YAP1: variants seen among roughly 807,000 people sequenced by gnomAD.
YAP1 encodes the protein Yes1 associated transcriptional regulator, also known as transcriptional coactivator YAP1.
Under a neutral mutation model 56.9 loss-of-function variants are expected in YAP1, and 5 were observed. The ratio of observed to expected loss-of-function variants is 0.09; its 90% CI spans 0.05 to 0.18. The LOEUF (loss-of-function observed/expected upper bound fraction) is 0.18, where lower values mean the gene tolerates loss of function less well. YAP1 is among the 10% of genes least tolerant of loss of function. YAP1 has a pLI of 1.00. For missense variants in YAP1, 539 were observed against 651.8 expected (o/e 0.83, Z 1.88); for synonymous variants, 265 against 248.1 (o/e 1.07, Z -0.64).
rs1654842689 is a variant in YAP1 at position 102,232,696 on chromosome 11, T to C, written c.*2756T>C. On this transcript the variant is annotated 3_prime_UTR_variant, in exon 9 of 9. Transcript: ENST00000282441. ...ATTGGGATAAGATTTTAACTGGGTATTCTTGAATTGCTTTTACAATAAACC... is the reference window on the plus strand; with the variant it reads ...ATTGGGATAAGATTTTAACTGGGTACTCTTGAATTGCTTTTACAATAAACC... 6.6e-6 allele frequency: 1 copy of C among 152,642 alleles called. No individual in the cohort carries two copies. Among genetic ancestry groups the C allele is most frequent in the Admixed American group, 6.5e-5 (1 of 15,278 alleles). 9.5% of individuals were successfully genotyped at this position (152,642 alleles called of 1,614,324 possible). A position where few individuals can be genotyped will look rare whatever the true frequency, so the allele number is the denominator to read the frequency against.
intron 4 of YAP1, among the ~76,000 whole-genome samples, chr11:102,188,381 T>C (rs1220058474): frequency 6.6e-6 from 1 of 152,200 alleles, no homozygotes; most frequent in African/African-American, 2.4e-5. Flanking sequence ...TTTTAGCTCC[T>C]TCAAACAACC....
chr11:102,192,491 C>T (rs1764491319), intron 4 of YAP1, among the ~76,000 whole-genome samples: 1 of 152,176 alleles, frequency 6.6e-6, no homozygotes, highest in Non-Finnish European at 1.5e-5. Flanking sequence ...CAACAATGTA[C>T]TTGATTCAAC....
intron 4 of YAP1, among the ~76,000 whole-genome samples, chr11:102,203,522 TTTGC>T (rs2135585465): frequency 6.6e-6 from 1 of 152,334 alleles, no homozygotes; most frequent in South Asian, 2.1e-4. Flanking sequence ...TGCTATATTG[TTTGC>T]TTGAAAATAA....
At chr11:102,200,668 C>G (rs1948806835) in intron 4 of YAP1, among the ~76,000 whole-genome samples, 1 of 152,108 alleles carries the variant, frequency 6.6e-6, no homozygotes, top group African/African-American at 2.4e-5. Flanking sequence ...TGGTCTCAAA[C>G]TTCTGACCTC....
chr11:102,118,116 C>T (rs1943404712), intron 2 of YAP1, among the ~76,000 whole-genome samples: 2 of 152,062 alleles, frequency 1.3e-5, no homozygotes, highest in Non-Finnish European at 1.5e-5. Flanking sequence ...CCATGTAGGA[C>T]CTTATAATTT....
intron 2 of YAP1, among the ~76,000 whole-genome samples, chr11:102,151,507 A>G (rs1945655578): frequency 6.6e-6 from 1 of 152,040 alleles, no homozygotes. Flanking sequence ...ACCTTTTTCT[A>G]TCCTCTATCA....
intron 2 of YAP1, among the ~76,000 whole-genome samples, chr11:102,116,726 A>G (rs1238685408): frequency 1.3e-5 from 2 of 152,180 alleles, no homozygotes; most frequent in Non-Finnish European, 2.9e-5. Context: ...TTTCTGGGGA[A>G]CTTTTATGTG....
intron 2 of YAP1, among the ~76,000 whole-genome samples, chr11:102,160,778 A>G (rs965819563): frequency 6.6e-6 from 1 of 152,128 alleles, no homozygotes; most frequent in East Asian, 1.9e-4. Flanking sequence ...CTTACCTCCT[A>G]TTACAGTGGA....
At chr11:102,204,249 T>C (rs1022124788) in intron 4 of YAP1, among the ~76,000 whole-genome samples, 1 of 148,734 alleles carries the variant, frequency 6.7e-6, no homozygotes, top group African/African-American at 2.5e-5. Context: ...AAAAAAGGTG[T>C]GCTAATGTAA....
chr11:102,204,329 T>C (rs191737671), intron 4 of YAP1, among the ~76,000 whole-genome samples: 3 of 152,298 alleles, frequency 2.0e-5, no homozygotes, highest in African/African-American at 4.8e-5. Flanking sequence ...ACTCAACTTA[T>C]GTAGAAATGG....
chr11:102,186,392 C>T, intron 4 of YAP1: 3 of 340,112 alleles, frequency 8.8e-6, no homozygotes, highest in Non-Finnish European at 1.6e-5. Flanking sequence ...TCACTTGTTC[C>T]TTTCACATTT....
chr11:102,208,129 A>G (rs780841440), intron 5 of YAP1, among the ~76,000 whole-genome samples: 4 of 152,146 alleles, frequency 2.6e-5, no homozygotes, highest in Non-Finnish European at 5.9e-5. Context: ...TGCCCAGACT[A>G]TTGTCTGTTC....
chr11:102,209,609 A>AC (rs762792697), intron 6 of YAP1, 45 bp downstream of exon 6: 6 of 1,322,164 alleles, frequency 4.5e-6, no homozygotes, highest in Non-Finnish European at 4.2e-6. Flanking sequence ...AAAAAAAAAA[A>AC]GATATTAAAT....
chr11:102,173,212 A>G (rs934087684), intron 3 of YAP1, among the ~76,000 whole-genome samples: 36 of 152,114 alleles, frequency 2.4e-4, no homozygotes, highest in African/African-American at 8.0e-4. Flanking sequence ...TAGATGGGCA[A>G]TTACTAAGCC....
chr11:102,135,185 T>C (rs1185542238), intron 2 of YAP1, among the ~76,000 whole-genome samples: 2 of 152,166 alleles, frequency 1.3e-5, no homozygotes, highest in East Asian at 3.8e-4. Context: ...TTTGTAGAGA[T>C]GGTGTCTCAC....
rs114003615 is a variant in YAP1, at chr11:102,164,570, G to A, written c.688+1999G>A. Among the ~76,000 whole-genome samples, 537 of 152,282 alleles carry A rather than the reference G, an allele frequency of 3.5e-3. 3 individuals are homozygous for A. Among genetic ancestry groups the A allele is most frequent in the African/African-American group, 0.012 (492 of 41,556 alleles). On this transcript the variant is annotated intron_variant, in intron 3 of 8. Coordinates refer to ENST00000282441, the MANE Select transcript of YAP1 (RefSeq NM_001130145.3). ...TATTTTGGAAGAGTAAGTATTTCGC[G>A]TCTAACAAGGTTGATTGTAATTCTT...
intron 1 of YAP1, among the ~76,000 whole-genome samples, chr11:102,112,910 AG>A: frequency 6.6e-6 from 1 of 152,328 alleles, no homozygotes; most frequent in Admixed American, 6.5e-5. Flanking sequence ...ACAACTGGGA[AG>A]TGTACTTTTT....
At chr11:102,162,639 A>T in intron 3 of YAP1, 68 bp downstream of exon 3, 2 of 1,455,284 alleles carry the variant, frequency 1.4e-6, no homozygotes, top group African/African-American at 1.4e-5. Flanking sequence ...TGATGTGGAA[A>T]ATAGTCATTA....
At chr11:102,160,851 C>T (rs1484447926) in intron 2 of YAP1, among the ~76,000 whole-genome samples, 1 of 152,044 alleles carries the variant, frequency 6.6e-6, no homozygotes, top group Non-Finnish European at 1.5e-5. Context: ...ATCAATAATC[C>T]CTTTGCACAT....
Sources: gnomAD v4.1 joint callset for allele counts (sites outside exome capture counted in the v4.1 genomes callset) on GRCh38, gnomAD v4.1.1 for gene constraint, MANE v1.5 for transcripts, NCBI Gene and HGNC (gene_info 2026-07-23, HGNC 2026-07-21) for gene names.